The following IQCM variants were observed in gnomAD, a reference collection of about 807,000 sequenced individuals.
IQCM encodes IQ domain-containing protein M.
IQCM carries 45 observed loss-of-function variants against 57.6 expected under a neutral mutation model. The ratio of observed to expected loss-of-function variants is 0.78; its 90% CI spans 0.62 to 1.00. IQCM has a LOEUF of 1.00. Ranked by LOEUF, IQCM falls within the 50% of genes least tolerant of loss-of-function variation. The pLI is 0.00. For synonymous variants in IQCM, 148 were observed against 158.9 expected (o/e 0.93, Z 0.51); for missense variants, 468 against 511.6 (o/e 0.91, Z 0.82).
intron 8 of IQCM, among the ~76,000 whole-genome samples, chr4:149,599,494 A>C (rs1261335575): frequency 2.6e-5 from 4 of 152,060 alleles, no homozygotes; most frequent in African/African-American, 9.7e-5. Flanking sequence ...AAGACAAACA[A>C]TGTTCTACCC....
intron 12 of IQCM, among the ~76,000 whole-genome samples, chr4:149,449,483 G>A (rs1352827850): frequency 6.7e-6 from 1 of 148,254 alleles, no homozygotes; most frequent in Non-Finnish European, 1.5e-5. Context: ...CACCAAAAAA[G>A]TATTATTACT....
intron 8 of IQCM, among the ~76,000 whole-genome samples, chr4:149,596,019 C>T (rs1217468315): frequency 6.6e-6 from 1 of 152,240 alleles, no homozygotes; most frequent in Middle Eastern, 3.4e-3. Flanking sequence ...ATACATGTTG[C>T]TTATCTACCA....
chr4:149,783,433 A>G (rs556365475), intron 2 of IQCM, among the ~76,000 whole-genome samples: 2 of 152,304 alleles, frequency 1.3e-5, no homozygotes, highest in South Asian at 4.1e-4. Context: ...CCTGATTATT[A>G]CATTAGCCTC....
intron 12 of IQCM, among the ~76,000 whole-genome samples, chr4:149,522,649 T>C (rs1173488713): frequency 6.6e-6 from 1 of 152,092 alleles, no homozygotes; most frequent in Non-Finnish European, 1.5e-5. Flanking sequence ...AATTAATATC[T>C]CCAGAGTAAA....
chr4:149,709,558 T>C (rs1219230964), intron 5 of IQCM, among the ~76,000 whole-genome samples: 1 of 152,138 alleles, frequency 6.6e-6, no homozygotes, highest in Non-Finnish European at 1.5e-5. Context: ...GTTATTTTTA[T>C]CATCAGCACT....
intron 7 of IQCM, among the ~76,000 whole-genome samples, chr4:149,654,274 A>T (rs1477666972): frequency 6.6e-6 from 1 of 152,086 alleles, no homozygotes; most frequent in African/African-American, 2.4e-5. Flanking sequence ...ACCAAATCTT[A>T]TGTTGAAATG....
At chr4:149,670,584 G>T (rs1176517623) in intron 7 of IQCM, among the ~76,000 whole-genome samples, 1 of 152,106 alleles carries the variant, frequency 6.6e-6, no homozygotes, top group Admixed American at 6.5e-5. Flanking sequence ...TCCAGTTTTT[G>T]CTCATTCAGT....
chr4:149,708,773 T>G (rs746833287), intron 5 of IQCM, among the ~76,000 whole-genome samples: 6 of 152,058 alleles, frequency 3.9e-5, no homozygotes, highest in Non-Finnish European at 8.8e-5. Context: ...TTTCTATGCC[T>G]AAAACTAAGT....
intron 5 of IQCM, among the ~76,000 whole-genome samples, chr4:149,700,647 T>C (rs1763699924): frequency 6.6e-6 from 1 of 152,016 alleles, no homozygotes; most frequent in Admixed American, 6.6e-5. Context: ...TGTGATATAC[T>C]TAAGTCAGGA....
chr4:149,783,217 C>A (rs2150013245), intron 2 of IQCM, among the ~76,000 whole-genome samples: 1 of 152,332 alleles, frequency 6.6e-6, no homozygotes, highest in African/African-American at 2.4e-5. Flanking sequence ...ACAATAAAAC[C>A]TATTCTTCAT....
intron 2 of IQCM, 57 bp from the exon 3 acceptor site, chr4:149,742,796 T>A (rs767928145): frequency 9.6e-6 from 8 of 829,598 alleles, no homozygotes; most frequent in Non-Finnish European, 1.3e-5. Context: ...TTTTAGCTAT[T>A]TCTTTTGCTC....
At chr4:149,638,653 C>T (rs547416427) in intron 7 of IQCM, among the ~76,000 whole-genome samples, 1 of 152,074 alleles carries the variant, frequency 6.6e-6, no homozygotes, top group Admixed American at 6.6e-5. Flanking sequence ...AGAAAATATA[C>T]GTACTGTAGG....
At chr4:149,579,874 G>A (rs559053274) in intron 9 of IQCM, among the ~76,000 whole-genome samples, 2 of 151,876 alleles carry the variant, frequency 1.3e-5, no homozygotes, top group African/African-American at 4.8e-5. Flanking sequence ...ATATCATCAA[G>A]GGAATTAACT....
chr4:149,742,377 A>T (rs1167223942), intron 3 of IQCM, among the ~76,000 whole-genome samples: 2 of 152,202 alleles, frequency 1.3e-5, no homozygotes, highest in East Asian at 3.8e-4. Flanking sequence ...ATTAAAATTC[A>T]TTAAATTTAA....
At chr4:149,633,757 G>T (rs760322607) in intron 7 of IQCM, among the ~76,000 whole-genome samples, 51 of 152,042 alleles carry the variant, frequency 3.4e-4, no homozygotes, top group Non-Finnish European at 5.7e-4. Context: ...AAATAACTTT[G>T]AAAACACATC....
chr4:149,654,497 C>T (rs1759470023), intron 7 of IQCM, among the ~76,000 whole-genome samples: 1 of 152,152 alleles, frequency 6.6e-6, no homozygotes, highest in Admixed American at 6.5e-5. Flanking sequence ...CCTGCTTCAC[C>T]TTCCGCCATG....
chr4:149,590,006 AT>A (rs1265802475), intron 8 of IQCM, among the ~76,000 whole-genome samples: 1 of 151,710 alleles, frequency 6.6e-6, no homozygotes, highest in Non-Finnish European at 1.5e-5. Context: ...TGCCAACTTA[AT>A]TTTTTTTCAA....
At chr4:149,612,900 T>G (rs536001057) in intron 8 of IQCM, among the ~76,000 whole-genome samples, 1 of 152,192 alleles carries the variant, frequency 6.6e-6, no homozygotes, top group African/African-American at 2.4e-5. Context: ...AATTAACTAC[T>G]GGAATGCTAT....
At chr4:149,509,383 A>G (rs546364134) in intron 12 of IQCM, among the ~76,000 whole-genome samples, 1 of 151,750 alleles carries the variant, frequency 6.6e-6, no homozygotes, top group East Asian at 1.9e-4. Flanking sequence ...GGCTCAAGTG[A>G]TTTTTCTGCC....
Sources: gnomAD v4.1 joint callset for allele counts (sites outside exome capture counted in the v4.1 genomes callset) on GRCh38, gnomAD v4.1.1 for gene constraint, MANE v1.5 for transcripts, NCBI Gene and HGNC (gene_info 2026-07-23, HGNC 2026-07-21) for gene names.